Variants in PLAC8L1 observed in about 807,000 individuals in gnomAD.
The protein encoded by PLAC8L1 is PLAC8-like protein 1.
PLAC8L1 carries 13 observed loss-of-function variants against 16.3 expected under a neutral mutation model. That is an observed-to-expected ratio of 0.80 (90% CI 0.52 to 1.27). The LOEUF (loss-of-function observed/expected upper bound fraction) is 1.27, where lower values mean the gene tolerates loss of function less well. PLAC8L1 is among the 50% of genes most tolerant of loss of function. The pLI, the probability that PLAC8L1 is intolerant of heterozygous loss-of-function variation, is 0.00. For missense variants in PLAC8L1, 184 were observed against 220.2 expected, an observed-to-expected ratio of 0.84 and a Z score of 1.04; for synonymous variants, 78 against 79.3, an observed-to-expected ratio of 0.98 and a Z score of 0.09.
intron 1 of PLAC8L1, among the ~76,000 whole-genome samples, chr5:146,102,184 T>C (rs528328538): frequency 6.6e-6 from 1 of 152,122 alleles, no homozygotes; most frequent in African/African-American, 2.4e-5. Context: ...GCCTCTCAAG[T>C]AGCTGGGACC....
intron 1 of PLAC8L1, among the ~76,000 whole-genome samples, chr5:146,103,199 G>GCCCA (rs1037252333): frequency 1.1e-4 from 16 of 152,056 alleles, no homozygotes; most frequent in Non-Finnish European, 2.4e-4. Flanking sequence ...TGCTTTTGTC[G>GCCCA]CCCAGGCTGG....
chr5:146,098,331 G>A (rs1763752621), intron 1 of PLAC8L1, 39 bp from the exon 2 acceptor site: 2 of 1,601,034 alleles, frequency 1.2e-6, no homozygotes, highest in South Asian at 2.2e-5. Context: ...GGAAACAAAG[G>A]TGTTTCAGAA....
At position 146,085,591 on chromosome 5, in the gene PLAC8L1, C is replaced by G; in HGVS notation, c.263G>C (p.Cys88Ser). ...AAGACACATAGGACAGAATAGACCA[C>G]AGAAACCTGTCAATAACCACATCCA... is the stretch of plus-strand genomic sequence containing the variant. ...SVCRDRRICFCGLFCPMCLEC... is the reference protein window; with the variant it reads ...SVCRDRRICFSGLFCPMCLEC... Residue 88 changes from cysteine to serine, a missense_variant, in exon 3 of 4, where the codon TGT becomes TCT. Physicochemically the swap from Cys to Ser is moderately radical, Grantham distance 112. Coordinates refer to ENST00000311450, the MANE Select transcript of PLAC8L1 (RefSeq NM_001029869.3). The G allele has an allele frequency of 6.2e-7, 1 of 1,610,534 alleles. No homozygotes were observed. Among genetic ancestry groups the G allele is most frequent in the Non-Finnish European group, 8.5e-7 (1 of 1,178,214 alleles).
At chr5:146,102,774 C>T (rs1344728316) in intron 1 of PLAC8L1, among the ~76,000 whole-genome samples, 2 of 152,198 alleles carry the variant, frequency 1.3e-5, no homozygotes, top group African/African-American at 4.8e-5. Context: ...GTTGTGACAT[C>T]TTAGAAAATA....
intron 2 of PLAC8L1, among the ~76,000 whole-genome samples, chr5:146,086,022 G>GTTTTT (rs1561781679): frequency 6.6e-4 from 73 of 110,934 alleles, no homozygotes; most frequent in Admixed American, 1.1e-3. Flanking sequence ...TAATTGAAAG[G>GTTTTT]TCTTTTTTTT....
At chr5:146,091,026 C>T (rs1763611029) in intron 2 of PLAC8L1, among the ~76,000 whole-genome samples, 1 of 151,904 alleles carries the variant, frequency 6.6e-6, no homozygotes, top group Admixed American at 6.6e-5. Flanking sequence ...TGCACTCCAG[C>T]CCGAGCGACA....
intron 1 of PLAC8L1, chr5:146,103,823 C>A: frequency 2.0e-6 from 2 of 985,390 alleles, no homozygotes; most frequent in Non-Finnish European, 1.2e-6. Context: ...ATTGTGAAAT[C>A]ATTCTGCCTT....
rs1763893432 is a variant in PLAC8L1 at position 146,105,431 on chromosome 5, GTTT to G, written c.-1123_-1121del. ...TGTACCCTACATTAAGGACAGGTAT[GTTT>G]TTTCTGCTTACTACTCTATTCCAAG... On this transcript the variant is annotated 5_prime_UTR_variant, in exon 1 of 4. Transcript: ENST00000311450. 6.6e-6 allele frequency among the ~76,000 whole-genome samples: 1 copy of G among 151,980 alleles called. No individual in the cohort carries two copies. Among genetic ancestry groups the G allele is most frequent in the Non-Finnish European group, 1.5e-5 (1 of 67,996 alleles).
chr5:146,098,887 T>C (rs1047799864), intron 1 of PLAC8L1, among the ~76,000 whole-genome samples: 4 of 152,226 alleles, frequency 2.6e-5, no homozygotes, highest in African/African-American at 9.6e-5. Context: ...TTTAAGTGAA[T>C]TGCCCAGACT....
In PLAC8L1 at chr5:146,104,362, TA is replaced by T. The variant is rs774432972; in HGVS notation, c.-52del. ...GGGCTATCCTTTTTCCCTTTGGCAA[TA>T]AGCTGGTTTCTAAACTTCGGATTAG... On this transcript the variant is annotated 5_prime_UTR_variant, in exon 1 of 4. It introduces an in-frame stop codon into an upstream open reading frame of the 5' UTR. Transcript: ENST00000311450. The T allele has an allele frequency of 2.0e-4, 281 of 1,423,098 alleles. No individual in the cohort carries two copies. The highest frequency in any genetic ancestry group is 2.5e-4 in the Non-Finnish European group (256 of 1,008,524). 88.2% of individuals were successfully genotyped at this position (1,423,098 alleles called of 1,614,324 possible).
At position 146,098,247 on chromosome 5, in the gene PLAC8L1, T is replaced by A; in HGVS notation, c.165A>T (p.Gly55=). ...CTGTGATTGTCGTCCTGCCACTGGC[T>A]CCCCGAACAGGCTGCTTCACCACAG... ...ASAVVKQPVR[G]ASGRTTITAI... The change falls in exon 2 of 4, where the codon GGA becomes GGT. Residue 55 remains glycine (G), a synonymous_variant. Transcript: ENST00000311450. 9 of 1,614,122 alleles carry A rather than the reference T, an allele frequency of 5.6e-6. No individual in the cohort carries two copies. Among genetic ancestry groups the A allele is most frequent in the Non-Finnish European group, 7.6e-6 (9 of 1,180,000 alleles).
intron 2 of PLAC8L1, among the ~76,000 whole-genome samples, chr5:146,087,205 CTT>C (rs1763531687): frequency 6.6e-6 from 1 of 152,306 alleles, no homozygotes; most frequent in African/African-American, 2.4e-5. Context: ...GAATCTGTCT[CTT>C]TTTTTAGAGT....
At chr5:146,100,540 A>G (rs189777726) in intron 1 of PLAC8L1, among the ~76,000 whole-genome samples, 1 of 152,354 alleles carries the variant, frequency 6.6e-6, no homozygotes, top group East Asian at 1.9e-4. Context: ...ACAAATATTT[A>G]ACATTTTGAA....
rs58130114 is a variant in PLAC8L1, at chr5:146,086,024, C to CTTTTTTTTTT, written c.257-437_257-428dup. Among the ~76,000 whole-genome samples the CTTTTTTTTTT allele has an allele frequency of 9.8e-3, 884 of 90,384 alleles. 115 individuals carry two copies. Among genetic ancestry groups the CTTTTTTTTTT allele is most frequent in the African/African-American group, 0.038 (816 of 21,654 alleles). The allele number at this position is 90,384 out of a possible 152,430, so 59.3% of individuals were successfully genotyped here. On this transcript the variant is annotated intron_variant, in intron 2 of 3. Coordinates refer to ENST00000311450, the MANE Select transcript of PLAC8L1 (RefSeq NM_001029869.3). ...ATTTCTATAAGTGTAATTGAAAGGTCTTTTTTTTTTTTTTTTTTTTTTTGA... is the reference window on the plus strand; with the variant it reads ...ATTTCTATAAGTGTAATTGAAAGGTCTTTTTTTTTTTTTTTTTTTTTTTTTTTTTTTTTGA...
chr5:146,098,784 T>G (rs573956064), intron 1 of PLAC8L1, among the ~76,000 whole-genome samples: 11 of 152,294 alleles, frequency 7.2e-5, no homozygotes, highest in African/African-American at 2.6e-4. Context: ...TCCCAAGGAT[T>G]TTGAACCTTT....
chr5:146,098,354 A>C, intron 1 of PLAC8L1, 62 bp from the exon 2 acceptor site: 1 of 1,556,254 alleles, frequency 6.4e-7, no homozygotes, highest in South Asian at 1.2e-5. Context: ...ATAACCATTA[A>C]GCCAAGTCAG....
intron 1 of PLAC8L1, among the ~76,000 whole-genome samples, chr5:146,098,723 C>T (rs567844084): frequency 7.9e-5 from 12 of 152,178 alleles, no homozygotes; most frequent in South Asian, 2.1e-4. Context: ...ACATCTGATT[C>T]GTTTACTGTG....
At chr5:146,088,696 A>G (rs1763562604) in intron 2 of PLAC8L1, among the ~76,000 whole-genome samples, 1 of 152,180 alleles carries the variant, frequency 6.6e-6, no homozygotes, top group Non-Finnish European at 1.5e-5. Flanking sequence ...TCTTGGCCCA[A>G]AGCAAACTCT....
At chr5:146,099,716 C>G (rs1023302881) in intron 1 of PLAC8L1, among the ~76,000 whole-genome samples, 11 of 151,316 alleles carry the variant, frequency 7.3e-5, no homozygotes, top group Non-Finnish European at 1.5e-4. Flanking sequence ...AATTCAGCAC[C>G]TGGGACACAT....
Sources: gnomAD v4.1 joint callset for allele counts (sites outside exome capture counted in the v4.1 genomes callset) on GRCh38, gnomAD v4.1.1 for gene constraint, MANE v1.5 for transcripts, NCBI Gene and HGNC (gene_info 2026-07-23, HGNC 2026-07-21) for gene names.